Variants in CDHR2 observed in about 807,000 individuals in gnomAD.
CDHR2 encodes the protein cadherin-related family member 2.
Under a neutral mutation model 138.6 loss-of-function variants are expected in CDHR2, and 104 were observed. The observed-to-expected ratio is 0.75, with a 90% CI of 0.64 to 0.88. The LOEUF is 0.88. Ranked by LOEUF, CDHR2 falls within the 40% of genes least tolerant of loss-of-function variation. The pLI, the probability that CDHR2 is intolerant of heterozygous loss-of-function variation, is 0.00. For missense variants in CDHR2, 1,624 were observed against 1,727.6 expected (o/e 0.94, Z 1.06); for synonymous variants, 755 against 742.8 (o/e 1.02, Z -0.27).
chr5:176,581,611 TG>T (rs1461527965), intron 17 of CDHR2, 29 bp downstream of exon 17: 6 of 1,593,696 alleles, frequency 3.8e-6, no homozygotes, highest in African/African-American at 1.3e-5. Flanking sequence ...AGGATGGGCC[TG>T]GGGGCCTCCC....
At chr5:176,570,260 G>C (rs2113287228) in intron 5 of CDHR2, among the ~76,000 whole-genome samples, 1 of 152,304 alleles carries the variant, frequency 6.6e-6, no homozygotes, top group South Asian at 2.1e-4. Flanking sequence ...GTTCCCTCTG[G>C]TGTCCACATA....
chr5:176,589,515 A>G lies in CDHR2; in HGVS notation c.3118-13A>G. 1 of 1,613,292 alleles carries G rather than the reference A, an allele frequency of 6.2e-7. No individual in the cohort carries two copies. Among genetic ancestry groups the G allele is most frequent in the Non-Finnish European group, 8.5e-7 (1 of 1,179,796 alleles). ...GTCCCTGGTGCCTCATCTCCTGCAC[A>G]CCCCCTTCCCAGCTCTTCACCGTGG... On this transcript the variant is annotated splice_polypyrimidine_tract_variant and intron_variant, in intron 23 of 31. Coordinates refer to ENST00000261944, the MANE Select transcript of CDHR2 (RefSeq NM_017675.6).
Position 176,568,734 on chromosome 5 carries a change from G to A in CDHR2, c.181G>A (p.Gly61Arg). 6.2e-7 allele frequency: 1 copy of A among 1,614,238 alleles called. No individual in the cohort carries two copies. The highest frequency in any genetic ancestry group is 8.5e-7 in the Non-Finnish European group (1 of 1,180,042). Residue 61 changes from glycine (G) to arginine (R), a missense_variant, in exon 4 of 32, where the codon GGG becomes AGG. This residue lies in a region of CDHR2 where 1,061 missense variants were observed against 1,136.6 expected (regional missense o/e 0.93). Coordinates refer to ENST00000261944, the MANE Select transcript of CDHR2 (RefSeq NM_017675.6). ...EDQDNDPLTY[G>R]MSGPNAYFFA... ...CCAGGACAATGACCCTCTGACCTAT[G>A]GGATGAGCGGCCCCAATGCCTACTT... is the stretch of plus-strand genomic sequence containing the variant.
chr5:176,544,304 G>A (rs918585899), intron 1 of CDHR2, among the ~76,000 whole-genome samples: 5 of 152,100 alleles, frequency 3.3e-5, no homozygotes, highest in African/African-American at 1.2e-4. Context: ...GGTCTCATGG[G>A]TCCCCAATTT....
At position 176,578,391 on chromosome 5, in the gene CDHR2, T is replaced by C; in HGVS notation, c.1601T>C (p.Val534Ala). 6.2e-7 allele frequency: 1 copy of C among 1,613,770 alleles called. No homozygotes were observed. The highest frequency in any genetic ancestry group is 2.2e-5 in the East Asian group (1 of 44,872). The change falls in exon 16 of 32, where the codon GTC (valine) becomes GCC (alanine). Residue 534 changes from valine to alanine, a missense_variant. Around this residue, in one of 3 missense-constraint regions of CDHR2, gnomAD observed 1,061 missense variants for 1,136.6 expected, o/e 0.93. Coordinates refer to ENST00000261944, the MANE Select transcript of CDHR2 (RefSeq NM_017675.6). ...GCAGACCTCTTCCAAGTGGATCCCGTCTCAGGGACGGTGACGGTGAGGAAC... is the reference window on the plus strand; with the variant it reads ...GCAGACCTCTTCCAAGTGGATCCCGCCTCAGGGACGGTGACGGTGAGGAAC... ...NGADLFQVDP[V>A]SGTVTVRNGE...
chr5:176,585,713 T>C (rs1758642301), intron 19 of CDHR2, among the ~76,000 whole-genome samples: 1 of 152,082 alleles, frequency 6.6e-6, no homozygotes, highest in Admixed American at 6.5e-5. Context: ...GATCAGGCAT[T>C]CTGGGTCAGG....
At position 176,584,763 on chromosome 5, in the gene CDHR2, G is replaced by T. The variant is rs902153031; in HGVS notation, c.2482G>T (p.Val828Leu). The change falls in exon 19 of 32, where the codon GTG becomes TTG. Residue 828 changes from valine (V) to leucine (L), a missense_variant. Val to Leu is a conservative substitution (Grantham distance 32). This residue lies in a region of CDHR2 where 1,061 missense variants were observed against 1,136.6 expected (regional missense o/e 0.93). Coordinates refer to ENST00000261944, the MANE Select transcript of CDHR2 (RefSeq NM_017675.6). Reference protein sequence around the residue: ...VAENGSQHGQVAVVVASDVDT... With the variant: ...VAENGSQHGQLAVVVASDVDT... ...TGAGAATGGCTCACAGCACGGCCAG[G>T]TGGCTGTGGTGGTTGCCTCGGATGT... 1 of 1,614,222 alleles carries T rather than the reference G, an allele frequency of 6.2e-7. No individual in the cohort carries two copies. Among genetic ancestry groups the T allele is most frequent in the South Asian group, 1.1e-5 (1 of 91,080 alleles).
chr5:176,589,300 A>G (rs748671320), intron 22 of CDHR2, 30 bp from the exon 23 acceptor site: 1 of 1,563,560 alleles, frequency 6.4e-7, no homozygotes, highest in African/African-American at 1.4e-5. Flanking sequence ...TTGGGTTCCA[A>G]GACTGACCTG....
intron 31 of CDHR2, among the ~76,000 whole-genome samples, chr5:176,593,839 C>T (rs1371692306): frequency 2.0e-5 from 3 of 152,172 alleles, no homozygotes; most frequent in East Asian, 1.9e-4. Flanking sequence ...AGGTATAACA[C>T]GGTACAGGGA....
At chr5:176,581,281 T>G in intron 16 of CDHR2, 62 bp from the exon 17 acceptor site, 1 of 1,596,522 alleles carries the variant, frequency 6.3e-7, no homozygotes, top group Middle Eastern at 1.7e-4. Flanking sequence ...TCCGGCTGCA[T>G]CGGAGGGGCT....
At chr5:176,562,892 T>C (rs756772950) in intron 1 of CDHR2, among the ~76,000 whole-genome samples, 2 of 152,166 alleles carry the variant, frequency 1.3e-5, no homozygotes, top group Admixed American at 6.5e-5. Context: ...GGTGGCAACT[T>C]AACATGTAAA....
Position 176,543,482 on chromosome 5 carries a change from G to A in CDHR2, c.-16+713G>A, listed in dbSNP as rs1158773869. 11 of 152,046 alleles carry A rather than the reference G, an allele frequency of 7.2e-5. No homozygotes were observed. Among genetic ancestry groups the A allele is most frequent in the African/African-American group, 2.4e-4 (10 of 41,426 alleles). 9.4% of individuals were successfully genotyped at this position (152,046 alleles called of 1,614,324 possible). A position where few individuals can be genotyped will look rare whatever the true frequency, so the allele number is the denominator to read the frequency against. ...GCCCCGGCCCCGCGCGAATGGAGCTGCCTGGACCGCACCACGCGTGCGGGG... is the reference window on the plus strand; with the variant it reads ...GCCCCGGCCCCGCGCGAATGGAGCTACCTGGACCGCACCACGCGTGCGGGG... On this transcript the variant is annotated intron_variant, in intron 1 of 31. Coordinates refer to the CDHR2 transcript ENST00000510636. This position sits in a 1 kb window ranked among gnomAD's most constrained non-coding sequence, Gnocchi z 4.0.
At chr5:176,546,538 G>A (rs1223253791), upstream of CDHR2, among the ~76,000 whole-genome samples, 8 of 151,924 alleles carry the variant, frequency 5.3e-5, no homozygotes, top group African/African-American at 1.7e-4. Context: ...TAAGGAAACC[G>A]TCTTAGAGAG....
At chr5:176,546,335 C>T (rs903959157), upstream of CDHR2, among the ~76,000 whole-genome samples, 1 of 152,094 alleles carries the variant, frequency 6.6e-6, no homozygotes, top group East Asian at 1.9e-4. Context: ...AAAATCATCC[C>T]TGGAGTTATT....
intron 1 of CDHR2, among the ~76,000 whole-genome samples, chr5:176,552,540 G>C (rs888695673): frequency 3.3e-5 from 5 of 152,254 alleles, no homozygotes; most frequent in Admixed American, 2.6e-4. Flanking sequence ...CCATGGAGGA[G>C]ATTTGAGCTT....
At chr5:176,588,666 T>C (rs556525111) in intron 21 of CDHR2, among the ~76,000 whole-genome samples, 51 of 145,026 alleles carry the variant, frequency 3.5e-4, no homozygotes, top group African/African-American at 1.3e-3. Flanking sequence ...TGTGTGAGAG[T>C]GTGTGTGTGT....
At chr5:176,582,828 G>A (rs1267650433) in intron 17 of CDHR2, among the ~76,000 whole-genome samples, 1 of 152,132 alleles carries the variant, frequency 6.6e-6, no homozygotes. Context: ...TTGCCTGGGG[G>A]TCACAAAATT....
chr5:176,550,195 C>T (rs187707169), intron 1 of CDHR2, among the ~76,000 whole-genome samples: 44 of 152,290 alleles, frequency 2.9e-4, no homozygotes, highest in Non-Finnish European at 5.7e-4. Context: ...GTGTGTAGAC[C>T]CCTTGATTTT....
In CDHR2 at chr5:176,581,420, C is replaced by A; in HGVS notation, c.1896C>A (p.Asn632Lys). ...TGCTGCCTGGCCCCTACAGCCACAA[C>A]TTCTCCTTGGACCCTGACACAGGGC... ...FNLLPGPYSH[N>K]FSLDPDTGLL... The change falls in exon 17 of 32, where the codon AAC becomes AAA. Residue 632 changes from asparagine (N) to lysine (K), a missense_variant. Coordinates refer to ENST00000261944, the MANE Select transcript of CDHR2 (RefSeq NM_017675.6). 1.2e-6 allele frequency: 2 copies of A among 1,614,206 alleles called. No individual in the cohort carries two copies. The highest frequency in any genetic ancestry group is 2.2e-5 in the East Asian group (1 of 44,880).
Sources: allele counts gnomAD v4.1 joint callset (sites outside exome capture counted in the v4.1 genomes callset), GRCh38; gene constraint gnomAD v4.1.1; regional missense constraint gnomAD v4.1.1; non-coding constraint Gnocchi (gnomAD v3.1); transcripts MANE v1.5; gene names NCBI Gene and HGNC (gene_info 2026-07-23, HGNC 2026-07-21).